Variants in THSD4 observed in about 807,000 individuals in gnomAD.
The protein encoded by THSD4 is thrombospondin type-1 domain-containing protein 4.
Under a neutral mutation model 119.0 loss-of-function variants are expected in THSD4, and 69 were observed. The ratio of observed to expected loss-of-function variants is 0.58; its 90% confidence interval spans 0.48 to 0.71. The LOEUF is 0.71. Ranked by LOEUF, THSD4 falls within the 30% of genes least tolerant of loss-of-function variation. The probability of loss-of-function intolerance (pLI) is 0.00; values close to 1 mark genes in which losing one functional copy is unlikely to be tolerated. For missense variants in THSD4, 1,393 were observed against 1,391.1 expected (o/e 1.00, Z -0.02); for synonymous variants, 524 against 540.4 (o/e 0.97, Z 0.42).
intron 6 of THSD4, among the ~76,000 whole-genome samples, chr15:71,334,135 C>T (rs926293343): frequency 3.3e-5 from 5 of 152,224 alleles, no homozygotes; most frequent in South Asian, 4.1e-4. Context: ...CCCAGCAAAC[C>T]GGAAGCCAGA....
chr15:71,590,081 A>T (rs1032509031), intron 7 of THSD4, among the ~76,000 whole-genome samples: 2 of 139,642 alleles, frequency 1.4e-5, no homozygotes, highest in African/African-American at 5.0e-5. Context: ...CAAATTGAAG[A>T]TAGTGGTTAC....
In THSD4 at chr15:71,765,085, C is replaced by T. The variant is rs374379495; in HGVS notation, c.2655C>T (p.Asp885=). The change falls in exon 16 of 18, where the codon GAC becomes GAT. Residue 885 remains aspartate, a synonymous_variant. Transcript: ENST00000261862. ...TGATTTGTGTTAGAAAGAATGCAGA[C>T]ACCTTTGAAGTGTTGGACCCCTCTG... ...REVICVRKNA[D]TFEVLDPSEC... The T allele has an allele frequency of 1.2e-6, 2 of 1,614,116 alleles. No individual in the cohort carries two copies. Among genetic ancestry groups the T allele is most frequent in the Non-Finnish European group, 8.5e-7 (1 of 1,180,052 alleles).
chr15:71,461,981 G>A (rs1191274278), intron 7 of THSD4, among the ~76,000 whole-genome samples: 1 of 151,504 alleles, frequency 6.6e-6, no homozygotes, highest in Non-Finnish European at 1.5e-5. Context: ...GTATGTTGGC[G>A]AGCCAACTCC....
At chr15:71,214,244 C>T (rs1395555860) in intron 3 of THSD4, among the ~76,000 whole-genome samples, 5 of 149,532 alleles carry the variant, frequency 3.3e-5, no homozygotes, top group South Asian at 2.1e-4. Context: ...GCTGGCGACC[C>T]GCCCCACTCC....
intron 1 of THSD4, among the ~76,000 whole-genome samples, chr15:71,108,692 C>T (rs1230925054): frequency 6.6e-6 from 1 of 152,130 alleles, no homozygotes; most frequent in African/African-American, 2.4e-5. Context: ...GTTTTTTAAT[C>T]TGAATAAGAG....
intron 6 of THSD4, among the ~76,000 whole-genome samples, chr15:71,347,627 G>A (rs888812516): frequency 6.6e-6 from 1 of 152,150 alleles, no homozygotes; most frequent in African/African-American, 2.4e-5. Flanking sequence ...GGCTGCCATG[G>A]GGTTTTTATA....
At chr15:71,707,063 A>G (rs991569332) in intron 8 of THSD4, among the ~76,000 whole-genome samples, 6 of 152,130 alleles carry the variant, frequency 3.9e-5, no homozygotes, top group African/African-American at 1.4e-4. Context: ...AGTTGGAGTT[A>G]GGGTCTCTGA....
At chr15:71,410,250 T>C (rs557146706) in intron 6 of THSD4, among the ~76,000 whole-genome samples, 1 of 152,314 alleles carries the variant, frequency 6.6e-6, no homozygotes, top group East Asian at 1.9e-4. Flanking sequence ...GCTGGGTTCC[T>C]GGGATACAAA....
chr15:71,363,213 C>T (rs1267143297), intron 6 of THSD4, among the ~76,000 whole-genome samples: 1 of 152,186 alleles, frequency 6.6e-6, no homozygotes, highest in Non-Finnish European at 1.5e-5. Context: ...AACTACCCAA[C>T]TCTGCTGTGG....
rs2048200646 is a variant in THSD4, at chr15:71,507,053, A to G, written c.1152+95230A>G. Among the ~76,000 whole-genome samples, 2 of 152,208 alleles carry G rather than the reference A, an allele frequency of 1.3e-5. 1 individual carries two copies. Among genetic ancestry groups the G allele is most frequent in the South Asian group, 4.1e-4 (2 of 4,834 alleles). ...ACTCTCAGTAGGGTGTTGCATAGGC[A>G]GGAGCCTTTTTAGATGTGTATTAGG... On this transcript the variant is annotated intron_variant, in intron 7 of 17. Transcript: ENST00000261862.
At chr15:71,695,502 ATGTGTGTGTGTG>A (rs3086738) in intron 8 of THSD4, among the ~76,000 whole-genome samples, 14 of 144,038 alleles carry the variant, frequency 9.7e-5, no homozygotes, top group Admixed American at 4.8e-4. Flanking sequence ...GTGTGTGTGC[ATGTGTGTGTGTG>A]TGTGTGTGTG....
intron 7 of THSD4, among the ~76,000 whole-genome samples, chr15:71,496,250 TTAA>T (rs1182552053): frequency 6.6e-6 from 1 of 152,194 alleles, no homozygotes; most frequent in African/African-American, 2.4e-5. Flanking sequence ...TACAACAAAA[TTAA>T]TGTTTCATAT....
At chr15:71,465,105 A>G (rs1279822142) in intron 7 of THSD4, among the ~76,000 whole-genome samples, 1 of 152,162 alleles carries the variant, frequency 6.6e-6, no homozygotes, top group Non-Finnish European at 1.5e-5. Flanking sequence ...CCTTAATGCT[A>G]GGAAATCTTA....
intron 6 of THSD4, among the ~76,000 whole-genome samples, chr15:71,370,561 G>A (rs2046030261): frequency 1.3e-5 from 2 of 152,180 alleles, no homozygotes; most frequent in Non-Finnish European, 2.9e-5. Flanking sequence ...TTCAGGAGCA[G>A]GTTGTTCAGT....
At chr15:71,436,589 G>A (rs1387110580) in intron 7 of THSD4, among the ~76,000 whole-genome samples, 3 of 152,126 alleles carry the variant, frequency 2.0e-5, no homozygotes, top group East Asian at 3.9e-4. Flanking sequence ...CGGTTATCCT[G>A]TTCACAGCAC....
rs1173503709 is a variant in THSD4, at chr15:71,781,649, G to T, written c.*4275G>T. On this transcript the variant is annotated 3_prime_UTR_variant, in exon 18 of 18. Transcript: ENST00000261862. ...CTAGGACCAGGACCAAGAAGCTACAGGCAGGCACAGTTTAGCTCCTGCAGA... is the reference window on the plus strand; with the variant it reads ...CTAGGACCAGGACCAAGAAGCTACATGCAGGCACAGTTTAGCTCCTGCAGA... 1 of 152,364 alleles carries T rather than the reference G, an allele frequency of 6.6e-6. No homozygotes were observed. Among genetic ancestry groups the T allele is most frequent in the East Asian group, 1.9e-4 (1 of 5,188 alleles). 9.4% of individuals were successfully genotyped at this position (152,364 alleles called of 1,614,324 possible). A position where few individuals can be genotyped will look rare whatever the true frequency, so the allele number is the denominator to read the frequency against.
intron 4 of THSD4, among the ~76,000 whole-genome samples, chr15:71,241,970 ATTC>A (rs1379547627): frequency 2.0e-5 from 3 of 152,194 alleles, no homozygotes; most frequent in Non-Finnish European, 4.4e-5. Context: ...ACCCAAGACA[ATTC>A]TTCTAAACCA....
At chr15:71,586,356 C>T (rs79923614) in intron 7 of THSD4, among the ~76,000 whole-genome samples, 15 of 152,256 alleles carry the variant, frequency 9.9e-5, no homozygotes, top group East Asian at 1.9e-4. Flanking sequence ...TTTCTGTTCA[C>T]GGTCTCACTG....
chr15:71,183,527 G>A (rs1411516697), intron 3 of THSD4, among the ~76,000 whole-genome samples: 8 of 151,656 alleles, frequency 5.3e-5, no homozygotes, highest in African/African-American at 1.9e-4. Context: ...GTTGTCTTGA[G>A]GATTGCATGA....
Sources: allele counts gnomAD v4.1 joint callset (sites outside exome capture counted in the v4.1 genomes callset), GRCh38; gene constraint gnomAD v4.1.1; transcripts MANE v1.5; gene names NCBI Gene and HGNC (gene_info 2026-07-23, HGNC 2026-07-21).